Variants in EEF1AKMT4 observed in about 807,000 individuals in gnomAD.
EEF1AKMT4 encodes EEF1A lysine methyltransferase 4, also known as eukaryotic translation elongation factor 1 alpha lysine specific methyltransferase 4.
EEF1AKMT4 carries 17 observed loss-of-function variants against 23.0 expected under a neutral mutation model. The observed-to-expected ratio is 0.74, with a 90% confidence interval of 0.51 to 1.11. The LOEUF (loss-of-function observed/expected upper bound fraction) is 1.11, where lower values mean the gene tolerates loss of function less well. Ranked by LOEUF, EEF1AKMT4 falls within the 50% of genes least tolerant of loss-of-function variation. The pLI is 0.00. For missense variants in EEF1AKMT4, 318 were observed against 333.4 expected, an observed-to-expected ratio of 0.95 and a Z score of 0.36; for synonymous variants, 140 against 141.4, an observed-to-expected ratio of 0.99 and a Z score of 0.07.
intron 1 of EEF1AKMT4, among the ~76,000 whole-genome samples, chr3:184,253,252 C>T (rs879283663): frequency 6.6e-6 from 1 of 152,110 alleles, no homozygotes; most frequent in Non-Finnish European, 1.5e-5. Flanking sequence ...CACCAAAACC[C>T]AGGGATATAA....
chr3:184,255,045 A>G (rs1010283465), intron 1 of EEF1AKMT4, among the ~76,000 whole-genome samples: 10 of 152,212 alleles, frequency 6.6e-5, no homozygotes, highest in African/African-American at 2.4e-4. Context: ...CCCAGTGACC[A>G]GCTTTTGTTT....
chr3:184,249,680 C>T lies in EEF1AKMT4; in HGVS notation c.-15C>T. 6.3e-7 allele frequency: 1 copy of T among 1,579,766 alleles called. No homozygotes were observed. Among genetic ancestry groups the T allele is most frequent in the Non-Finnish European group, 8.6e-7 (1 of 1,158,458 alleles). ...CTGAAGGGCCGGCGGCTCTGGCTGC[C>T]CGGCGGTTGAGAGCATGGCCTCTCC... On this transcript the variant is annotated 5_prime_UTR_variant, in exon 1 of 3. Coordinates refer to ENST00000324557, the MANE Select transcript of EEF1AKMT4 (RefSeq NM_032331.4).
rs767354431 is a variant in EEF1AKMT4, at chr3:184,257,470, C to T, written c.197-3C>T. 3 of 1,592,430 alleles carry T rather than the reference C, an allele frequency of 1.9e-6. No individual in the cohort carries two copies. Among genetic ancestry groups the T allele is most frequent in the Non-Finnish European group, 2.6e-6 (3 of 1,163,814 alleles). ...TTTTGCTACCCATTCCCTCCCACCCCAGGTTGCGGGAACAGTGCCCTGAGC... is the reference window on the plus strand; with the variant it reads ...TTTTGCTACCCATTCCCTCCCACCCTAGGTTGCGGGAACAGTGCCCTGAGC... On this transcript the variant is annotated splice_region_variant and splice_polypyrimidine_tract_variant and intron_variant, in intron 1 of 2. Transcript: ENST00000324557.
chr3:184,254,540 TA>T (rs1213250266), intron 1 of EEF1AKMT4, among the ~76,000 whole-genome samples: 2,367 of 99,086 alleles, frequency 0.024, 17 homozygotes, highest in Non-Finnish European at 0.026. Context: ...CCGTCTCTAC[TA>T]AAAAAAAAAA....
intron 2 of EEF1AKMT4, 100 bp from the exon 3 acceptor site, chr3:184,258,188 T>A: frequency 1.8e-6 from 2 of 1,102,858 alleles, no homozygotes; most frequent in Non-Finnish European, 1.3e-6. Flanking sequence ...AGATGTGGGG[T>A]GGTTCCTGAG....
At chr3:184,251,549 A>G in intron 1 of EEF1AKMT4, among the ~76,000 whole-genome samples, 1 of 152,030 alleles carries the variant, frequency 6.6e-6, no homozygotes, top group South Asian at 2.1e-4. Context: ...AAAAAAAATT[A>G]AAACTTAGCT....
intron 1 of EEF1AKMT4, among the ~76,000 whole-genome samples, chr3:184,252,498 G>A (rs767030782): frequency 6.6e-6 from 1 of 152,144 alleles, no homozygotes; most frequent in African/African-American, 2.4e-5. Context: ...CAAGTCAAAA[G>A]TACTAAGAGA....
chr3:184,258,213 G>A (rs1645264155), intron 2 of EEF1AKMT4, 75 bp from the exon 3 acceptor site: 4 of 1,354,658 alleles, frequency 3.0e-6, no homozygotes, highest in Non-Finnish European at 4.1e-6. Flanking sequence ...GACTGGGAGA[G>A]CATCTGGAGC....
At chr3:184,253,619 C>T (rs1719654366) in intron 1 of EEF1AKMT4, among the ~76,000 whole-genome samples, 1 of 151,842 alleles carries the variant, frequency 6.6e-6, no homozygotes, top group Non-Finnish European at 1.5e-5. Flanking sequence ...AAGTTTCTTA[C>T]CACTTTCCTC....
chr3:184,258,326 A>G lies in EEF1AKMT4; in HGVS notation c.519A>G (p.Ser173=). ...TTGTCCCTGGAGGCCGGTTTATCTC[A>G]ATGACTTCTGCTGCCCCCCACTTTC... ...RVLVPGGRFI[S]MTSAAPHFRT... is the part of the protein sequence containing the mutation. The change falls in exon 3 of 3, where the codon TCA becomes TCG. Residue 173 remains serine, a synonymous_variant. Transcript: ENST00000324557. 1 of 1,613,302 alleles carries G rather than the reference A, an allele frequency of 6.2e-7. No individual in the cohort carries two copies. Among genetic ancestry groups the G allele is most frequent in the Non-Finnish European group, 8.5e-7 (1 of 1,179,588 alleles).
intron 1 of EEF1AKMT4, among the ~76,000 whole-genome samples, chr3:184,251,878 G>A (rs928686464): frequency 2.6e-5 from 4 of 152,128 alleles, no homozygotes; most frequent in Non-Finnish European, 5.9e-5. Flanking sequence ...TATTAATTGG[G>A]CTTTAAGTTG....
At chr3:184,250,775 A>T (rs1719503015) in intron 1 of EEF1AKMT4, among the ~76,000 whole-genome samples, 1 of 152,246 alleles carries the variant, frequency 6.6e-6, no homozygotes, top group Admixed American at 6.5e-5. Context: ...GATAGAAAAA[A>T]AAGTATAATT....
rs915395916 is a variant in EEF1AKMT4, at chr3:184,257,608, C to A, written c.332C>A (p.Thr111Asn). 6.8e-6 allele frequency: 11 copies of A among 1,614,004 alleles called. No individual in the cohort carries two copies. The highest frequency in any genetic ancestry group is 1.6e-4 in the Middle Eastern group (1 of 6,082). Reference sequence around the variant, plus strand: ...CATGTGCCGCAGCTGCGCTGGGAGACCATGGATGTGCGGAAGCTGGACTTC... The same window carrying A: ...CATGTGCCGCAGCTGCGCTGGGAGAACATGGATGTGCGGAAGCTGGACTTC... ...HAHVPQLRWE[T>N]MDVRKLDFPS... Residue 111 changes from threonine (T) to asparagine (N), a missense_variant, in exon 2 of 3, where the codon ACC becomes AAC. Transcript: ENST00000324557.
rs373900772 is a variant in EEF1AKMT4 at position 184,257,553 on chromosome 3, G to A, written c.277G>A (p.Val93Met). 146 of 1,614,140 alleles carry A rather than the reference G, an allele frequency of 9.0e-5. No individual in the cohort carries two copies. The highest frequency in any genetic ancestry group is 9.4e-5 in the Non-Finnish European group (111 of 1,180,028). The stretch of plus-strand genomic sequence containing the variant: ...GACCAGTGTGGACTACTCATCAGTC[G>A]TGGTGGCTGCCATGCAGGCTCGCCA... ...NVTSVDYSSV[V>M]VAAMQARHAH... The change falls in exon 2 of 3, where the codon GTG becomes ATG. Residue 93 changes from valine to methionine, a missense_variant. Val to Met is a conservative substitution (Grantham distance 21, BLOSUM62 1). Coordinates refer to ENST00000324557, the MANE Select transcript of EEF1AKMT4 (RefSeq NM_032331.4).
At chr3:184,257,875 C>A in intron 2 of EEF1AKMT4, 119 bp downstream of exon 2, 3 of 1,299,572 alleles carry the variant, frequency 2.3e-6, no homozygotes, top group East Asian at 2.4e-5. Flanking sequence ...GTGGGTCGCC[C>A]TCAGGAGTGT....
At chr3:184,252,556 C>G (rs75470062) in intron 1 of EEF1AKMT4, among the ~76,000 whole-genome samples, 4,245 of 152,212 alleles carry the variant, frequency 0.028, 211 homozygotes, top group African/African-American at 0.097. Flanking sequence ...AATGGCCAAA[C>G]AAGTAAATTT....
At position 184,257,705 on chromosome 3, in the gene EEF1AKMT4, C is replaced by T; in HGVS notation, c.429C>T (p.Pro143=). Residue 143 remains proline (P), a synonymous_variant, in exon 2 of 3, where the codon CCC becomes CCT. Transcript: ENST00000324557. ...CCCTGCTGGCTGGGGAACGAGATCC[C>T]TGGACCGTGTCCTCTGAAGGTGTCC... is the stretch of plus-strand genomic sequence containing the variant. ...LDALLAGERD[P]WTVSSEGVHT... 6.2e-7 allele frequency: 1 copy of T among 1,614,096 alleles called. No homozygotes were observed. Among genetic ancestry groups the T allele is most frequent in the Non-Finnish European group, 8.5e-7 (1 of 1,180,018 alleles).
chr3:184,257,111 G>T (rs1223548953), intron 1 of EEF1AKMT4, among the ~76,000 whole-genome samples: 1 of 150,984 alleles, frequency 6.6e-6, no homozygotes, highest in African/African-American at 2.4e-5. Flanking sequence ...TCAGAAGGCT[G>T]AGGCAGGAGA....
rs1356899035 is a variant in EEF1AKMT4 at position 184,254,540 on chromosome 3, T to C, written c.197-2933T>C. On this transcript the variant is annotated intron_variant, in intron 1 of 2. Transcript: ENST00000324557. Reference sequence around the variant, plus strand: ...TAACACGGTGAAACCCCGTCTCTACTAAAAAAAAAAAAAAAAAAAGAAATT... The same window carrying C: ...TAACACGGTGAAACCCCGTCTCTACCAAAAAAAAAAAAAAAAAAAGAAATT... Among the ~76,000 whole-genome samples the C allele has an allele frequency of 3.0e-5, 3 of 99,132 alleles. No individual in the cohort carries two copies. The Admixed American group carries it at 3.3e-4, about 11-fold the overall frequency. The allele number at this position is 99,132 out of a possible 152,430, so 65.0% of individuals were successfully genotyped here. A position where few individuals can be genotyped will look rare whatever the true frequency, so the allele number is the denominator to read the frequency against.
Sources: allele counts gnomAD v4.1 joint callset (sites outside exome capture counted in the v4.1 genomes callset), GRCh38; gene constraint gnomAD v4.1.1; transcripts MANE v1.5; gene names NCBI Gene and HGNC (gene_info 2026-07-23, HGNC 2026-07-21).